The following INTS6 variants were observed in gnomAD, a reference collection of about 807,000 sequenced individuals.
The protein encoded by INTS6 is integrator complex subunit 6.
Under a neutral mutation model 104.9 loss-of-function variants are expected in INTS6, and 16 were observed. The ratio of observed to expected loss-of-function variants is 0.15; its 90% CI spans 0.10 to 0.23. The LOEUF is 0.23. Ranked by LOEUF, INTS6 falls within the 10% of genes least tolerant of loss-of-function variation. The probability of loss-of-function intolerance (pLI) is 1.00; values close to 1 mark genes in which losing one functional copy is unlikely to be tolerated. For synonymous variants in INTS6, 324 were observed against 358.7 expected, an observed-to-expected ratio of 0.90 and a Z score of 1.09; for missense variants, 584 against 1,062.8, an observed-to-expected ratio of 0.55 and a Z score of 6.26.
At chr13:51,375,901 ATTCACCTT>A in intron 13 of INTS6, 139 bp downstream of exon 13, 1 of 637,918 alleles carries the variant, frequency 1.6e-6, no homozygotes, top group Non-Finnish European at 2.4e-6. Context: ...ATCAGGGATG[ATTCACCTT>A]TTACTTCATT....
rs968556278 is a variant in INTS6 at position 51,452,846 on chromosome 13, G to A, written c.-321C>T. 1.7e-6 allele frequency: 2 copies of A among 1,153,040 alleles called. No homozygotes were observed. The highest frequency in any genetic ancestry group is 2.1e-6 in the Non-Finnish European group (2 of 930,620). 71.4% of individuals were successfully genotyped at this position (1,153,040 alleles called of 1,614,324 possible). A position where few individuals can be genotyped will look rare whatever the true frequency, so the allele number is the denominator to read the frequency against. ...GGTCCCGTCCCCGCTCCCGGCCCCT[G>A]TGTGTGTCCCAGCGGGAGACGGGCC... On this transcript the variant is annotated 5_prime_UTR_variant, in exon 1 of 18. Transcript: ENST00000311234. The surrounding 1 kb of genome is among the most constrained non-coding windows in gnomAD (Gnocchi z 4.2).
chr13:51,369,338 T>G (rs890631368), intron 15 of INTS6, 28 bp from the exon 16 acceptor site: 4 of 1,572,466 alleles, frequency 2.5e-6, no homozygotes, highest in Non-Finnish European at 3.4e-6. Context: ...GGGAAAAAAT[T>G]ATGGGATCCA....
intron 13 of INTS6, among the ~76,000 whole-genome samples, chr13:51,375,776 T>TGC (rs1955916634): frequency 6.8e-6 from 1 of 146,682 alleles, no homozygotes; most frequent in Non-Finnish European, 1.5e-5. Flanking sequence ...TGCGCGCGCG[T>TGC]GCGCGCATGA....
In INTS6 at chr13:51,452,398, G is replaced by T. The variant is rs1593791418; in HGVS notation, c.111+17C>A. 6.4e-7 allele frequency: 1 copy of T among 1,558,364 alleles called. No homozygotes were observed. The highest frequency in any genetic ancestry group is 8.7e-7 in the Non-Finnish European group (1 of 1,153,670). Reference sequence around the variant, plus strand: ...CCGCCGGGCCGGGGTCGCCGCCCGGGCTCGGTCAGTCGGTACCTTCATGAA... The same window carrying T: ...CCGCCGGGCCGGGGTCGCCGCCCGGTCTCGGTCAGTCGGTACCTTCATGAA... On this transcript the variant is annotated intron_variant, in intron 1 of 17. Transcript: ENST00000311234. The surrounding 1 kb of genome is among the most constrained non-coding windows in gnomAD (Gnocchi z 4.2).
chr13:51,451,475 GA>G (rs1237195982), intron 2 of INTS6: 1 of 177,564 alleles, frequency 5.6e-6, no homozygotes, highest in African/African-American at 2.4e-5. Context: ...AAGCAGATGG[GA>G]GCCGGACTTA....
rs1955634443 is a variant in INTS6, at chr13:51,363,956, C to CTTGAATCTCTAGATACT, written c.*1795_*1796insAGTATCTAGAGATTCAA. On this transcript the variant is annotated 3_prime_UTR_variant, in exon 18 of 18. Transcript: ENST00000311234. ...ATATTGGGATGGGCTGAATCTCTTTCCTAGATACTCTTGTTAAGTATGAAT... is the reference window on the plus strand; with the variant it reads ...ATATTGGGATGGGCTGAATCTCTTTCTTGAATCTCTAGATACTCTAGATACTCTTGTTAAGTATGAAT... 1 of 228,102 alleles carries CTTGAATCTCTAGATACT rather than the reference C, an allele frequency of 4.4e-6. No individual in the cohort carries two copies. The highest frequency in any genetic ancestry group is 8.7e-5 in the East Asian group (1 of 11,554). The allele number at this position is 228,102 out of a possible 1,614,324, so 14.1% of individuals were successfully genotyped here.
chr13:51,433,108 A>G (rs1957126370), intron 3 of INTS6, among the ~76,000 whole-genome samples: 1 of 152,230 alleles, frequency 6.6e-6, no homozygotes, highest in South Asian at 2.1e-4. Flanking sequence ...TGGACCAAAT[A>G]TTTGTAGTAG....
chr13:51,380,340 C>T (rs772623323), intron 10 of INTS6, among the ~76,000 whole-genome samples: 32 of 151,974 alleles, frequency 2.1e-4, no homozygotes, highest in African/African-American at 7.3e-4. Flanking sequence ...ATTTGTGAAT[C>T]GGATAGAGCC....
chr13:51,445,574 G>C (rs1479989581), intron 3 of INTS6: 1 of 152,154 alleles, frequency 6.6e-6, no homozygotes, highest in East Asian at 1.9e-4. Context: ...AGGTACAATG[G>C]CTTCATTATT....
downstream of INTS6, among the ~76,000 whole-genome samples, chr13:51,357,213 T>C (rs1955493800): frequency 6.6e-6 from 1 of 152,168 alleles, no homozygotes; most frequent in South Asian, 2.1e-4. Flanking sequence ...TTAAACATAA[T>C]CAAGAGACTA....
At chr13:51,398,408 A>G (rs9526756) in intron 4 of INTS6, among the ~76,000 whole-genome samples, 3,439 of 152,278 alleles carry the variant, frequency 0.023, 50 homozygotes, top group South Asian at 0.076. Context: ...TGGGCAATAG[A>G]TAAGGATACC....
rs1425148286 is a variant in INTS6 at position 51,397,833 on chromosome 13, ATG to A, written c.430-2352_430-2351del. On this transcript the variant is annotated intron_variant, in intron 4 of 17. Transcript: ENST00000311234. ...GCGCGGACCACACACACACACACAC[ATG>A]CACACACACAAACTAATCATGTAAT... 6.2e-3 allele frequency among the ~76,000 whole-genome samples: 940 copies of A among 152,118 alleles called. 8 individuals are homozygous for A. Among genetic ancestry groups the A allele is most frequent in the African/African-American group, 0.021 (874 of 41,496 alleles).
intron 9 of INTS6, 44 bp downstream of exon 9, chr13:51,383,285 C>A: frequency 6.6e-7 from 1 of 1,517,892 alleles, no homozygotes; most frequent in Non-Finnish European, 8.9e-7. Context: ...TTTAGGAGAA[C>A]TTTTATATGC....
chr13:51,452,538 G>T lies in INTS6; in HGVS notation c.-13C>A, dbSNP rs769858737. 7.5e-6 allele frequency: 12 copies of T among 1,609,250 alleles called. 1 individual carries two copies. In the Admixed American group the frequency reaches 1.8e-4, roughly 25 times the overall value. ...GTAAGATGGGCATAGTGCTGGCCGG[G>T]GACACCGGGGCCCGAGGTGGTGGAG... On this transcript the variant is annotated 5_prime_UTR_variant, in exon 1 of 18. Coordinates refer to ENST00000311234, the MANE Select transcript of INTS6 (RefSeq NM_012141.3). This position sits in a 1 kb window ranked among gnomAD's most constrained non-coding sequence, Gnocchi z 4.2.
At chr13:51,354,010 A>G (rs1680900141), downstream of INTS6, 1 of 152,222 alleles carries the variant, frequency 6.6e-6, no homozygotes, top group Non-Finnish European at 1.5e-5. Flanking sequence ...GTTTACTAGG[A>G]AAACCAAGGC....
At chr13:51,345,858 A>G in the INTS6 span, among the ~76,000 whole-genome samples, 1 of 152,192 alleles carries the variant, frequency 6.6e-6, no homozygotes, top group Admixed American at 6.5e-5. Flanking sequence ...GTCCTCTAAG[A>G]AAAAGGGGCA....
Position 51,382,074 on chromosome 13 carries a change from C to T in INTS6, c.1230G>A (p.Gln410=), listed in dbSNP as rs1397578797. ...HKAKPTLKWR[Q]SFESYLKTMP... ...TTGTCTTCAAATAACTTTCAAATGA[C>T]TGTCTCCACTTCAATGTTGGTTTTG... is the stretch of plus-strand genomic sequence containing the variant. The change falls in exon 10 of 18, where the codon CAG becomes CAA. Residue 410 remains glutamine (Q), a synonymous_variant. Coordinates refer to ENST00000311234, the MANE Select transcript of INTS6 (RefSeq NM_012141.3). The T allele has an allele frequency of 1.9e-6, 3 of 1,612,042 alleles. No homozygotes were observed. The highest frequency in any genetic ancestry group is 3.3e-5 in the Admixed American group (2 of 59,886).
chr13:51,378,310 C>A lies in INTS6; in HGVS notation c.1531G>T (p.Asp511Tyr), dbSNP rs1335217137. ...FQQLLQGISE[D>Y]VPHRLLDLNM... is the part of the protein sequence containing the mutation. The stretch of plus-strand genomic sequence containing the variant: ...AGGTCTAGCAGTCTGTGAGGGACAT[C>A]CTCTGAAATTCCCTGGAGGAGTTGT... Residue 511 changes from aspartate (D) to tyrosine (Y), a missense_variant, in exon 12 of 18, where the codon GAT becomes TAT. Coordinates refer to ENST00000311234, the MANE Select transcript of INTS6 (RefSeq NM_012141.3). 1 of 1,613,494 alleles carries A rather than the reference C, an allele frequency of 6.2e-7. No individual in the cohort carries two copies. The highest frequency in any genetic ancestry group is 1.1e-5 in the South Asian group (1 of 91,070).
chr13:51,366,890 T>C (rs916026142), intron 17 of INTS6, among the ~76,000 whole-genome samples: 3 of 152,050 alleles, frequency 2.0e-5, no homozygotes, highest in Non-Finnish European at 2.9e-5. Flanking sequence ...AGTTTTCTTA[T>C]AATACTAAAA....
Sources: gnomAD v4.1 joint callset for allele counts (sites outside exome capture counted in the v4.1 genomes callset) on GRCh38, gnomAD v4.1.1 for gene constraint, Gnocchi (gnomAD v3.1) non-coding constraint, MANE v1.5 for transcripts, NCBI Gene and HGNC (gene_info 2026-07-23, HGNC 2026-07-21) for gene names.